TMEM117: variants seen among roughly 807,000 people sequenced by gnomAD.
TMEM117 encodes the protein transmembrane protein 117.
TMEM117 carries 27 observed loss-of-function variants against 52.4 expected under a neutral mutation model. That is an observed-to-expected ratio of 0.51 (90% CI 0.38 to 0.71). The LOEUF is 0.71. TMEM117 is among the 30% of genes least tolerant of loss of function. The probability of loss-of-function intolerance (pLI) is 0.00; values close to 1 mark genes in which losing one functional copy is unlikely to be tolerated. For missense variants in TMEM117, 556 were observed against 630.5 expected (o/e 0.88, Z 1.26); for synonymous variants, 215 against 206.3 (o/e 1.04, Z -0.36).
At chr12:44,317,811 A>T (rs368886850) in intron 6 of TMEM117, among the ~76,000 whole-genome samples, 2 of 152,282 alleles carry the variant, frequency 1.3e-5, no homozygotes, top group African/African-American at 4.8e-5. Flanking sequence ...GAGGTCTCTG[A>T]TGCTGCAGGC....
the TMEM117 span, among the ~76,000 whole-genome samples, chr12:43,820,515 C>T: frequency 1.4e-4 from 21 of 151,732 alleles, no homozygotes; most frequent in Non-Finnish European, 8.8e-5. Context: ...CCTCGTGATC[C>T]GCCCACCTCA....
At position 44,095,125 on chromosome 12, in the gene TMEM117, A is replaced by C. The variant is rs537209244; in HGVS notation, c.411-48400A>C. Reference sequence around the variant, plus strand: ...TCTTGCTGCTTCTGTAGTGAAAAGCACTGTAAGGGAAAGGACACTTGTCTG... The same window carrying C: ...TCTTGCTGCTTCTGTAGTGAAAAGCCCTGTAAGGGAAAGGACACTTGTCTG... On this transcript the variant is annotated intron_variant, in intron 3 of 7. Transcript: ENST00000266534. Among the ~76,000 whole-genome samples the C allele has an allele frequency of 2.6e-5, 4 of 152,204 alleles. No individual in the cohort carries two copies. In the South Asian group the frequency reaches 8.3e-4, roughly 32 times the overall value.
chr12:44,391,882 G>A (rs1188312864), downstream of TMEM117, among the ~76,000 whole-genome samples: 1 of 152,056 alleles, frequency 6.6e-6, no homozygotes, highest in Non-Finnish European at 1.5e-5. Flanking sequence ...TTCCCTCTGA[G>A]ACTGACTTGG....
chr12:44,229,887 A>G (rs1355198577), intron 5 of TMEM117, among the ~76,000 whole-genome samples: 1 of 152,126 alleles, frequency 6.6e-6, no homozygotes, highest in African/African-American at 2.4e-5. Context: ...TAAGCACACA[A>G]ATCAGTGGGA....
chr12:43,850,057 G>T (rs1943279510), intron 2 of TMEM117, among the ~76,000 whole-genome samples: 1 of 152,128 alleles, frequency 6.6e-6, no homozygotes, highest in Non-Finnish European at 1.5e-5. Flanking sequence ...TATCCCCAAA[G>T]ACTGAGGAGC....
chr12:43,855,354 C>T (rs1943382493), intron 2 of TMEM117, among the ~76,000 whole-genome samples: 1 of 151,634 alleles, frequency 6.6e-6, no homozygotes, highest in African/African-American at 2.4e-5. Flanking sequence ...CCTCCGCCTG[C>T]CGGGTTCAAG....
intron 6 of TMEM117, among the ~76,000 whole-genome samples, chr12:44,324,288 A>G (rs750469122): frequency 3.3e-5 from 5 of 152,106 alleles, no homozygotes; most frequent in Middle Eastern, 3.4e-3. Flanking sequence ...TTTTCCTATG[A>G]TGATACTATT....
chr12:43,865,933 T>C (rs1253347660), intron 2 of TMEM117, among the ~76,000 whole-genome samples: 1 of 151,748 alleles, frequency 6.6e-6, no homozygotes, highest in East Asian at 1.9e-4. Context: ...AAGTCCAGTT[T>C]AAAATTAAAG....
chr12:44,070,060 T>G (rs1947278613), intron 3 of TMEM117, among the ~76,000 whole-genome samples: 1 of 152,142 alleles, frequency 6.6e-6, no homozygotes, highest in Non-Finnish European at 1.5e-5. Flanking sequence ...TGGCTAATTA[T>G]TTGTATTTTT....
chr12:44,376,472 A>T, intron 6 of TMEM117, 123 bp from the exon 7 acceptor site: 1 of 1,165,392 alleles, frequency 8.6e-7, no homozygotes. Flanking sequence ...AAACTGATAT[A>T]TCCAACAGCT....
chr12:43,893,396 A>G (rs1335764862), intron 2 of TMEM117, among the ~76,000 whole-genome samples: 1 of 152,158 alleles, frequency 6.6e-6, no homozygotes. Context: ...AAAAACTTAA[A>G]TCACTCAGTT....
chr12:44,143,448 G>T, intron 3 of TMEM117, 77 bp from the exon 4 acceptor site: 1 of 1,049,286 alleles, frequency 9.5e-7, no homozygotes, highest in East Asian at 2.6e-5. Context: ...AAGTCCCTTT[G>T]CCTGTTGCTG....
chr12:44,174,172 A>AT (rs1035615747), intron 4 of TMEM117, among the ~76,000 whole-genome samples: 1 of 151,964 alleles, frequency 6.6e-6, no homozygotes, highest in Non-Finnish European at 1.5e-5. Context: ...TGTGAATATC[A>AT]TTTTTTTTAA....
intron 3 of TMEM117, among the ~76,000 whole-genome samples, chr12:44,008,303 A>G (rs768701201): frequency 3.0e-4 from 45 of 152,206 alleles, no homozygotes; most frequent in Admixed American, 1.9e-3. Flanking sequence ...ATATCTGTCA[A>G]ACACCTGATA....
At chr12:43,855,538 C>T (rs139705032) in intron 2 of TMEM117, among the ~76,000 whole-genome samples, 9 of 152,156 alleles carry the variant, frequency 5.9e-5, no homozygotes, top group African/African-American at 2.2e-4. Context: ...ATGTACTTTT[C>T]TTGTGTTTAT....
At chr12:44,341,361 A>T (rs1951414495) in intron 6 of TMEM117, among the ~76,000 whole-genome samples, 1 of 151,978 alleles carries the variant, frequency 6.6e-6, no homozygotes, top group Non-Finnish European at 1.5e-5. Flanking sequence ...ATGGGTAAGG[A>T]TCTGTGGTAT....
intron 2 of TMEM117, among the ~76,000 whole-genome samples, chr12:43,910,528 T>C (rs1944479630): frequency 6.7e-6 from 1 of 149,322 alleles, no homozygotes; most frequent in Admixed American, 6.7e-5. Flanking sequence ...TAAAGGGTAT[T>C]CAATTAGGAA....
chr12:44,371,362 C>A (rs1318505336), intron 6 of TMEM117, among the ~76,000 whole-genome samples: 1 of 151,952 alleles, frequency 6.6e-6, no homozygotes, highest in Non-Finnish European at 1.5e-5. Context: ...TAATCTAATG[C>A]CTATAAAAAG....
Position 44,299,626 on chromosome 12 carries a change from A to T in TMEM117, c.655A>T (p.Thr219Ser). 1 of 1,614,184 alleles carries T rather than the reference A, an allele frequency of 6.2e-7. No individual in the cohort carries two copies. ...GTCTGTGGTTGTACTTGTGATTACAACGGACTGGATCAGCTGGGACAAGCT... is the reference window on the plus strand; with the variant it reads ...GTCTGTGGTTGTACTTGTGATTACATCGGACTGGATCAGCTGGGACAAGCT... Reference protein sequence around the residue: ...LTSVVVLVITTDWISWDKLNR... With the variant: ...LTSVVVLVITSDWISWDKLNR... Residue 219 changes from threonine (T) to serine (S), a missense_variant, in exon 6 of 8, where the codon ACG becomes TCG. Physicochemically the swap from Thr to Ser is moderately conservative, Grantham distance 58 (BLOSUM62 1). Coordinates refer to ENST00000266534, the MANE Select transcript of TMEM117 (RefSeq NM_032256.3).
Sources: allele counts gnomAD v4.1 joint callset (sites outside exome capture counted in the v4.1 genomes callset), GRCh38; gene constraint gnomAD v4.1.1; transcripts MANE v1.5; gene names NCBI Gene and HGNC (gene_info 2026-07-23, HGNC 2026-07-21).